Variants in GALK2 observed in about 807,000 individuals in gnomAD.
The protein encoded by GALK2 is N-acetylgalactosamine kinase.
GALK2 carries 36 observed loss-of-function variants against 52.4 expected under a neutral mutation model. The observed-to-expected ratio is 0.69, with a 90% CI of 0.53 to 0.91. The LOEUF is 0.91. GALK2 is among the 40% of genes least tolerant of loss of function. The pLI is 0.00. For missense variants in GALK2, 579 were observed against 559.1 expected (o/e 1.04, Z -0.36); for synonymous variants, 176 against 199.1 (o/e 0.88, Z 0.98).
chr15:49,189,000 G>A (rs770932200), intron 1 of GALK2, among the ~76,000 whole-genome samples: 2 of 152,112 alleles, frequency 1.3e-5, no homozygotes, highest in Non-Finnish European at 2.9e-5. Flanking sequence ...TTCTTGTAAG[G>A]GTTAAAACAG....
At chr15:49,175,123 C>T (rs1013510259) in intron 1 of GALK2, among the ~76,000 whole-genome samples, 2 of 152,194 alleles carry the variant, frequency 1.3e-5, no homozygotes, top group Non-Finnish European at 2.9e-5. Flanking sequence ...ATGTAACATA[C>T]ATCCCATGTT....
chr15:49,258,996 GT>G (rs2091957775), intron 5 of GALK2, among the ~76,000 whole-genome samples: 1 of 149,456 alleles, frequency 6.7e-6, no homozygotes, highest in East Asian at 1.9e-4. Flanking sequence ...TGATGGGGTT[GT>G]TTTTTTCTTG....
intron 5 of GALK2, among the ~76,000 whole-genome samples, chr15:49,276,975 T>C (rs1224079629): frequency 3.5e-5 from 5 of 141,128 alleles, no homozygotes; most frequent in African/African-American, 5.2e-5. Context: ...CTTTTCTTTT[T>C]TTTTTTTTTT....
intron 8 of GALK2, among the ~76,000 whole-genome samples, chr15:49,312,740 G>T (rs1190111191): frequency 1.3e-5 from 2 of 152,172 alleles, no homozygotes; most frequent in African/African-American, 4.8e-5. Context: ...TGTGTAAAAG[G>T]CACAGTGCAT....
intron 1 of GALK2, chr15:49,194,250 A>G (rs977138068): frequency 6.6e-6 from 1 of 152,064 alleles, no homozygotes; most frequent in Non-Finnish European, 1.5e-5. Context: ...TGCTTGAACC[A>G]GGGAGGCGGA....
At chr15:49,325,360 G>A (rs1351902151) in intron 9 of GALK2, among the ~76,000 whole-genome samples, 1 of 152,130 alleles carries the variant, frequency 6.6e-6, no homozygotes. Context: ...TGTAATTCTT[G>A]TATTGCCTCT....
intron 1 of GALK2, among the ~76,000 whole-genome samples, chr15:49,180,956 T>C (rs1047718417): frequency 1.3e-5 from 2 of 152,222 alleles, no homozygotes; most frequent in African/African-American, 4.8e-5. Flanking sequence ...GGCCGACTTA[T>C]CACTCTGTAT....
At chr15:49,237,889 A>G (rs751597664) in intron 4 of GALK2, among the ~76,000 whole-genome samples, 10 of 151,986 alleles carry the variant, frequency 6.6e-5, no homozygotes, top group Non-Finnish European at 1.2e-4. Flanking sequence ...ATTCTGTATG[A>G]AAGGGCATTG....
chr15:49,265,038 TGAG>T (rs1490206965), intron 5 of GALK2, among the ~76,000 whole-genome samples: 25 of 152,174 alleles, frequency 1.6e-4, no homozygotes, highest in Non-Finnish European at 3.2e-4. Flanking sequence ...GGGACCCACT[TGAG>T]GAGGCAGTCT....
chr15:49,325,300 T>C (rs758059843), intron 9 of GALK2, among the ~76,000 whole-genome samples: 4 of 152,228 alleles, frequency 2.6e-5, no homozygotes, highest in Non-Finnish European at 5.9e-5. Context: ...CCCAATCTAG[T>C]CATCACAATC....
intron 3 of GALK2, among the ~76,000 whole-genome samples, chr15:49,221,283 C>T (rs1208471161): frequency 3.9e-5 from 6 of 152,092 alleles, no homozygotes; most frequent in Non-Finnish European, 5.9e-5. Flanking sequence ...TCAATTCATT[C>T]TTCTGCATAT....
chr15:49,228,477 ATTCT>A (rs2090266172), intron 3 of GALK2, among the ~76,000 whole-genome samples: 1 of 150,128 alleles, frequency 6.7e-6, no homozygotes, highest in Non-Finnish European at 1.5e-5. Context: ...AGGTACTGAA[ATTCT>A]TTCTTCTGCT....
intron 1 of GALK2, among the ~76,000 whole-genome samples, chr15:49,184,164 T>C (rs944637714): frequency 2.6e-5 from 4 of 152,158 alleles, no homozygotes; most frequent in African/African-American, 9.7e-5. Context: ...AAGGTGCATA[T>C]ATATTTACAA....
chr15:49,295,339 A>C (rs145667267), intron 8 of GALK2, among the ~76,000 whole-genome samples: 2,560 of 151,714 alleles, frequency 0.017, 33 homozygotes, highest in Middle Eastern at 0.024. Context: ...CTATCTATAT[A>C]TATATATAGA....
chr15:49,176,232 CCT>C (rs1388506675), intron 1 of GALK2, among the ~76,000 whole-genome samples: 3 of 152,254 alleles, frequency 2.0e-5, no homozygotes, highest in African/African-American at 7.2e-5. Context: ...TCCTGCTTCC[CCT>C]GTTATCTTGA....
chr15:49,318,063 A>G (rs2036564605), intron 8 of GALK2: 1 of 152,188 alleles, frequency 6.6e-6, no homozygotes, highest in African/African-American at 2.4e-5. Flanking sequence ...AAAATTAAAA[A>G]AAAAAATTAT....
intron 7 of GALK2, among the ~76,000 whole-genome samples, chr15:49,292,072 A>T (rs1352397078): frequency 6.6e-6 from 1 of 152,054 alleles, no homozygotes; most frequent in African/African-American, 2.4e-5. Flanking sequence ...GTGAGAGATT[A>T]GTTGTGTGTG....
chr15:49,328,602 G>GTTGA lies in GALK2; in HGVS notation c.*445_*448dup. The GTTGA allele has an allele frequency of 6.3e-7, 1 of 1,594,538 alleles. No homozygotes were observed. Among genetic ancestry groups the GTTGA allele is most frequent in the Non-Finnish European group, 8.6e-7 (1 of 1,167,336 alleles). On this transcript the variant is annotated 3_prime_UTR_variant, in exon 10 of 10. Coordinates refer to ENST00000560031, the MANE Select transcript of GALK2 (RefSeq NM_002044.4). ...TTCTTCCTCAAAGTTGTAGTTGTCT[G>GTTGA]TTGATGATGGTGATGATGATGATGA...
At chr15:49,170,931 T>C (rs547721685) in intron 1 of GALK2, among the ~76,000 whole-genome samples, 1 of 152,296 alleles carries the variant, frequency 6.6e-6, no homozygotes, top group South Asian at 2.1e-4. Flanking sequence ...AGGTACTTTG[T>C]AGAAATACTT....
Sources: gnomAD v4.1 joint callset for allele counts (sites outside exome capture counted in the v4.1 genomes callset) on GRCh38, gnomAD v4.1.1 for gene constraint, MANE v1.5 for transcripts, NCBI Gene and HGNC (gene_info 2026-07-23, HGNC 2026-07-21) for gene names.